ST6GAL1: variants seen among roughly 807,000 people sequenced by gnomAD.
ST6GAL1 encodes ST6 beta-galactoside alpha-2,6-sialyltransferase 1.
In ST6GAL1, 20 loss-of-function variants were observed where a neutral mutation model predicts 38.0. The observed-to-expected ratio is 0.53, with a 90% CI of 0.37 to 0.77. The LOEUF is 0.77. ST6GAL1 is among the 30% of genes least tolerant of loss of function. The probability of loss-of-function intolerance (pLI) is 0.00; values close to 1 mark genes in which losing one functional copy is unlikely to be tolerated. For synonymous variants in ST6GAL1, 196 were observed against 188.2 expected, an observed-to-expected ratio of 1.04 and a Z score of -0.34; for missense variants, 432 against 496.4, an observed-to-expected ratio of 0.87 and a Z score of 1.23.
At chr3:186,958,051 TA>T (rs112067764) in intron 1 of ST6GAL1, among the ~76,000 whole-genome samples, 16,764 of 141,066 alleles carry the variant, frequency 0.12, 1,404 homozygotes, top group African/African-American at 0.26. Flanking sequence ...TTTTAAGAAT[TA>T]AAAAAAAAAA....
At chr3:186,936,319 T>A (rs527807182) in intron 1 of ST6GAL1, among the ~76,000 whole-genome samples, 17 of 152,210 alleles carry the variant, frequency 1.1e-4, no homozygotes, top group Non-Finnish European at 1.0e-4. Flanking sequence ...ATTAATGAAA[T>A]TCACAGTAAT....
At chr3:186,938,191 G>A (rs1028878261) in intron 1 of ST6GAL1, among the ~76,000 whole-genome samples, 6 of 152,196 alleles carry the variant, frequency 3.9e-5, no homozygotes, top group African/African-American at 7.2e-5. Context: ...TAAAGGGTAT[G>A]ACCATTTTTA....
At chr3:186,948,757 C>T (rs1714474728) in intron 1 of ST6GAL1, 1 of 152,488 alleles carries the variant, frequency 6.6e-6, no homozygotes, top group South Asian at 2.1e-4. Context: ...GAGAAGACCT[C>T]CGATCTCTTG....
intron 5 of ST6GAL1, among the ~76,000 whole-genome samples, chr3:187,061,574 G>C (rs888807539): frequency 6.6e-6 from 1 of 152,148 alleles, no homozygotes; most frequent in Non-Finnish European, 1.5e-5. Flanking sequence ...TTGTATATAT[G>C]TGTAAATGAT....
At chr3:186,967,336 C>G (rs561410679) in intron 2 of ST6GAL1, among the ~76,000 whole-genome samples, 3 of 152,146 alleles carry the variant, frequency 2.0e-5, no homozygotes, top group Non-Finnish European at 4.4e-5. Flanking sequence ...AGATTACAGG[C>G]GCCTGCCACC....
chr3:187,075,998 T>G lies in ST6GAL1; in HGVS notation c.*195T>G. 2.6e-6 allele frequency: 2 copies of G among 770,636 alleles called. No individual in the cohort carries two copies. The allele number at this position is 770,636 out of a possible 1,614,324, so 47.7% of individuals were successfully genotyped here. A position where few individuals can be genotyped will look rare whatever the true frequency, so the allele number is the denominator to read the frequency against. On this transcript the variant is annotated 3_prime_UTR_variant, in exon 8 of 8. Coordinates refer to ENST00000169298, the MANE Select transcript of ST6GAL1 (RefSeq NM_173216.2). This position sits in a 1 kb window ranked among gnomAD's most constrained non-coding sequence, Gnocchi z 4.1. The stretch of plus-strand genomic sequence containing the variant: ...CAGCCTTCCCTGTAGCCAGACAGTT[T>G]ATGAGCCCAGAGCCTCCTGCCACAC...
At chr3:187,032,683 G>A (rs1456843658) in intron 2 of ST6GAL1, among the ~76,000 whole-genome samples, 1 of 152,186 alleles carries the variant, frequency 6.6e-6, no homozygotes, top group Non-Finnish European at 1.5e-5. Context: ...GGAAATTCAT[G>A]CTGTGAAAAT....
Position 187,078,136 on chromosome 3 carries a change from C to T in ST6GAL1, c.*2333C>T, listed in dbSNP as rs76599446. 0.018 allele frequency: 2,743 copies of T among 152,624 alleles called. 182 individuals are homozygous for T. The East Asian group carries it at 0.23, about 13-fold the overall frequency. 9.5% of individuals were successfully genotyped at this position (152,624 alleles called of 1,614,324 possible). On this transcript the variant is annotated 3_prime_UTR_variant, in exon 8 of 8. Transcript: ENST00000169298. Reference sequence around the variant, plus strand: ...CAGGACATACATGTTGGTGTGAAGACTGGGACGACACTGGGTAGAATCTAG... The same window carrying T: ...CAGGACATACATGTTGGTGTGAAGATTGGGACGACACTGGGTAGAATCTAG...
chr3:186,956,149 C>A (rs1486518704), intron 1 of ST6GAL1, among the ~76,000 whole-genome samples: 1 of 152,026 alleles, frequency 6.6e-6, no homozygotes, highest in Non-Finnish European at 1.5e-5. Context: ...TGTCTTGTTG[C>A]AAGCAGCCGG....
At chr3:186,996,027 A>G (rs1162265296) in intron 2 of ST6GAL1, among the ~76,000 whole-genome samples, 2 of 152,190 alleles carry the variant, frequency 1.3e-5, no homozygotes, top group Non-Finnish European at 2.9e-5. Context: ...CGCATGTACC[A>G]TTCCTCTCAC....
intron 1 of ST6GAL1, among the ~76,000 whole-genome samples, chr3:186,959,695 C>T (rs1056098057): frequency 1.3e-5 from 2 of 152,154 alleles, no homozygotes; most frequent in African/African-American, 2.4e-5. Context: ...TCTTAGCAGA[C>T]GTTCTTACTG....
intron 5 of ST6GAL1, chr3:187,071,996 G>C (rs1218394690): frequency 1.3e-5 from 2 of 152,026 alleles, no homozygotes; most frequent in Non-Finnish European, 2.9e-5. Context: ...TCTTAGGATA[G>C]ATTCCTAAAC....
At chr3:187,020,157 C>A (rs374992873) in intron 2 of ST6GAL1, among the ~76,000 whole-genome samples, 1 of 152,084 alleles carries the variant, frequency 6.6e-6, no homozygotes, top group South Asian at 2.1e-4. Flanking sequence ...ATTAGCCGGG[C>A]GTGGTGGCGG....
chr3:186,977,202 T>C (rs1469345047), intron 2 of ST6GAL1, among the ~76,000 whole-genome samples: 1 of 152,222 alleles, frequency 6.6e-6, no homozygotes, highest in Non-Finnish European at 1.5e-5. Context: ...CTAGGCGAGA[T>C]AGTTTATTCT....
chr3:187,064,659 G>A (rs1403578988), intron 5 of ST6GAL1: 1 of 455,540 alleles, frequency 2.2e-6, no homozygotes, highest in Non-Finnish European at 4.4e-6. Flanking sequence ...GCAACACTAA[G>A]TATCTGGCTG....
intron 4 of ST6GAL1, among the ~76,000 whole-genome samples, chr3:187,047,866 G>A (rs1159746027): frequency 3.9e-5 from 6 of 151,974 alleles, no homozygotes; most frequent in East Asian, 3.9e-4. Context: ...CATACAATGC[G>A]CAATGATCAG....
chr3:186,995,111 GTGTA>G (rs1716319888), intron 2 of ST6GAL1, among the ~76,000 whole-genome samples: 1 of 152,046 alleles, frequency 6.6e-6, no homozygotes, highest in Non-Finnish European at 1.5e-5. Flanking sequence ...TAGTGTTTGA[GTGTA>G]TGTATATAGA....
intron 2 of ST6GAL1, among the ~76,000 whole-genome samples, chr3:186,975,574 C>G (rs371645249): frequency 5.1e-4 from 77 of 152,338 alleles, no homozygotes; most frequent in African/African-American, 1.8e-3. Flanking sequence ...TGCCTGTCCA[C>G]AACTGAACTT....
chr3:187,070,656 C>T (rs1719334422), intron 5 of ST6GAL1, among the ~76,000 whole-genome samples: 1 of 151,970 alleles, frequency 6.6e-6, no homozygotes, highest in Non-Finnish European at 1.5e-5. Flanking sequence ...ATCTCTTGAC[C>T]TTGTGATCCA....
Sources: allele counts gnomAD v4.1 joint callset (sites outside exome capture counted in the v4.1 genomes callset), GRCh38; gene constraint gnomAD v4.1.1; non-coding constraint Gnocchi (gnomAD v3.1); transcripts MANE v1.5; gene names NCBI Gene and HGNC (gene_info 2026-07-23, HGNC 2026-07-21).